Variants in CDH12 observed in about 807,000 individuals in gnomAD.
The protein encoded by CDH12 is cadherin 12, also known as cadherin-12.
In CDH12, 41 loss-of-function variants were observed where a neutral mutation model predicts 74.1. That is an observed-to-expected ratio of 0.55 (90% CI 0.43 to 0.72). The LOEUF (loss-of-function observed/expected upper bound fraction) is 0.72, where lower values mean the gene tolerates loss of function less well. CDH12 is among the 30% of genes least tolerant of loss of function. The pLI is 0.00. For missense variants in CDH12, 945 were observed against 977.2 expected, an observed-to-expected ratio of 0.97 and a Z score of 0.44; for synonymous variants, 399 against 355.0, an observed-to-expected ratio of 1.12 and a Z score of -1.39.
rs759734847 is a variant in CDH12, at chr5:22,314,941, C to CTT, written c.-333+90314_-333+90315dup. Among the ~76,000 whole-genome samples the CTT allele has an allele frequency of 1.6e-3, 107 of 67,766 alleles. 32 individuals are homozygous for CTT. The highest frequency in any genetic ancestry group is 4.9e-3 in the African/African-American group (72 of 14,808). The allele number at this position is 67,766 out of a possible 152,430, so 44.5% of individuals were successfully genotyped here. A position where few individuals can be genotyped will look rare whatever the true frequency, so the allele number is the denominator to read the frequency against. ...GAAAAGCAGAGGTCCCTGGGTTGGT[C>CTT]TTTTTTTTTTTTTTTTTTTTTTTTT... On this transcript the variant is annotated intron_variant, in intron 3 of 14. Coordinates refer to ENST00000382254, the MANE Select transcript of CDH12 (RefSeq NM_004061.5).
At chr5:22,423,537 C>T (rs1012639394) in intron 2 of CDH12, among the ~76,000 whole-genome samples, 6 of 152,176 alleles carry the variant, frequency 3.9e-5, no homozygotes, top group African/African-American at 1.4e-4. Context: ...TGTAGAAAAG[C>T]TATTCTTGTC....
intron 2 of CDH12, among the ~76,000 whole-genome samples, chr5:22,461,472 T>TA (rs1017262648): frequency 1.1e-4 from 15 of 140,588 alleles, no homozygotes; most frequent in African/African-American, 2.5e-4. Context: ...TATCTATAGT[T>TA]AAAAAAAAGC....
rs186260122 is a variant in CDH12 at position 22,818,468 on chromosome 5, T to C, written c.-523+34590A>G. On this transcript the variant is annotated intron_variant, in intron 1 of 14. Transcript: ENST00000382254. ...ATTTTCTTATAAAACAGTGTGCTTA[T>C]TTTCCCTAGGTTTTATATGTATGTA... Among the ~76,000 whole-genome samples the C allele has an allele frequency of 6.6e-5, 10 of 152,316 alleles. No individual in the cohort carries two copies. In the East Asian group the frequency reaches 1.9e-3, roughly 29 times the overall value.
chr5:22,192,273 G>A (rs1185411550), intron 4 of CDH12, among the ~76,000 whole-genome samples: 2 of 152,142 alleles, frequency 1.3e-5, no homozygotes, highest in Non-Finnish European at 2.9e-5. Context: ...ACAGGTCTTT[G>A]AAGATATACA....
intron 6 of CDH12, among the ~76,000 whole-genome samples, chr5:21,955,363 T>C: frequency 6.6e-6 from 1 of 151,934 alleles, no homozygotes; most frequent in East Asian, 1.9e-4. Context: ...ATATAAGGTA[T>C]TGCATTTGTA....
intron 8 of CDH12, among the ~76,000 whole-genome samples, chr5:21,817,936 T>C (rs1379611819): frequency 1.3e-5 from 2 of 152,124 alleles, no homozygotes; most frequent in East Asian, 3.9e-4. Flanking sequence ...TGGAAAATTG[T>C]AATACTCTAC....
At chr5:21,904,097 A>T (rs1753524150) in intron 6 of CDH12, among the ~76,000 whole-genome samples, 1 of 152,158 alleles carries the variant, frequency 6.6e-6, no homozygotes, top group Admixed American at 6.6e-5. Context: ...TTAGGCAATT[A>T]TAACTACTGT....
At chr5:22,043,371 A>T (rs1739708241) in intron 5 of CDH12, among the ~76,000 whole-genome samples, 1 of 152,218 alleles carries the variant, frequency 6.6e-6, no homozygotes, top group African/African-American at 2.4e-5. Flanking sequence ...TAGATGCAGA[A>T]AAAGCATTTG....
chr5:22,722,468 T>A (rs1028891641), intron 1 of CDH12, among the ~76,000 whole-genome samples: 3 of 152,230 alleles, frequency 2.0e-5, no homozygotes, highest in Non-Finnish European at 4.4e-5. Flanking sequence ...AAATTCATAA[T>A]GACTCTCCCT....
At chr5:22,566,976 A>T (rs1173586383) in intron 1 of CDH12, among the ~76,000 whole-genome samples, 1 of 152,224 alleles carries the variant, frequency 6.6e-6, no homozygotes, top group African/African-American at 2.4e-5. Flanking sequence ...GTTTTGGGAC[A>T]AACAAATAAA....
intron 3 of CDH12, among the ~76,000 whole-genome samples, chr5:22,395,589 A>G (rs1742420819): frequency 6.6e-6 from 1 of 152,136 alleles, no homozygotes; most frequent in Non-Finnish European, 1.5e-5. Flanking sequence ...TTTTGTATAC[A>G]AAACTGGGAA....
chr5:22,517,056 T>A (rs1736844043), intron 1 of CDH12, among the ~76,000 whole-genome samples: 1 of 151,978 alleles, frequency 6.6e-6, no homozygotes, highest in African/African-American at 2.4e-5. Flanking sequence ...AAAATAGCTA[T>A]AGTAAGGTTA....
intron 8 of CDH12, among the ~76,000 whole-genome samples, chr5:21,839,760 G>T (rs1749737990): frequency 6.6e-6 from 1 of 152,104 alleles, no homozygotes; most frequent in African/African-American, 2.4e-5. Flanking sequence ...TTTTTTGACT[G>T]TTTATGCAAA....
At position 22,528,301 on chromosome 5, in the gene CDH12, G is replaced by A. The variant is rs111555580; in HGVS notation, c.-522-22937C>T. On this transcript the variant is annotated intron_variant, in intron 1 of 14. Coordinates refer to ENST00000382254, the MANE Select transcript of CDH12 (RefSeq NM_004061.5). ...AGGGGGGGTTGCTTCCACTGGTGGT[G>A]GAGAGGTCTCTTCCATTGGCAAAGA... Among the ~76,000 whole-genome samples the A allele has an allele frequency of 7.3e-3, 1,115 of 152,212 alleles. 12 individuals are homozygous for A. The highest frequency in any genetic ancestry group is 0.025 in the African/African-American group (1,033 of 41,532).
At chr5:22,560,966 G>A (rs1035372762) in intron 1 of CDH12, among the ~76,000 whole-genome samples, 5 of 152,020 alleles carry the variant, frequency 3.3e-5, no homozygotes, top group African/African-American at 1.2e-4. Context: ...GTTACAGAAA[G>A]AGACAAAAAA....
intron 7 of CDH12, among the ~76,000 whole-genome samples, chr5:21,845,954 G>A (rs1283096547): frequency 6.6e-6 from 1 of 152,090 alleles, no homozygotes; most frequent in Non-Finnish European, 1.5e-5. Flanking sequence ...GCTTGCTCGG[G>A]GGAATGCCAG....
chr5:21,816,811 C>G, intron 9 of CDH12, 134 bp downstream of exon 9: 1 of 545,188 alleles, frequency 1.8e-6, no homozygotes, highest in East Asian at 3.4e-5. Flanking sequence ...AGTACCCCAA[C>G]TCTCACATGG....
chr5:22,324,136 G>A (rs1205276508), intron 3 of CDH12, among the ~76,000 whole-genome samples: 1 of 152,092 alleles, frequency 6.6e-6, no homozygotes, highest in Non-Finnish European at 1.5e-5. Flanking sequence ...GTGATGACAA[G>A]TCTTGCAATG....
chr5:22,432,038 CATGGTGAGTGA>C (rs1744194619), intron 2 of CDH12, among the ~76,000 whole-genome samples: 2 of 152,242 alleles, frequency 1.3e-5, no homozygotes, highest in South Asian at 4.1e-4. Flanking sequence ...CGTTCAAACT[CATGGTGAGTGA>C]ATGGTGACTC....
Sources: gnomAD v4.1 joint callset for allele counts (sites outside exome capture counted in the v4.1 genomes callset) on GRCh38, gnomAD v4.1.1 for gene constraint, MANE v1.5 for transcripts, NCBI Gene and HGNC (gene_info 2026-07-23, HGNC 2026-07-21) for gene names.